ENTREP2: variants seen among roughly 807,000 people sequenced by gnomAD.
The protein encoded by ENTREP2 is endosomal transmembrane epsin interactor 2, also known as protein ENTREP2.
At chr15:29,502,742 G>A in the ENTREP2 span, among the ~76,000 whole-genome samples, 25 of 151,960 alleles carry the variant, frequency 1.6e-4, no homozygotes, top group Admixed American at 1.2e-3. Context: ...AGCATTCAAC[G>A]ACAAGAAGTC....
At chr15:29,371,819 C>T in the ENTREP2 span, among the ~76,000 whole-genome samples, 926 of 151,822 alleles carry the variant, frequency 6.1e-3, 14 homozygotes, top group African/African-American at 0.021. Flanking sequence ...AGAAAGAAAA[C>T]ATTAGAAAAT....
the ENTREP2 span, among the ~76,000 whole-genome samples, chr15:29,619,245 G>T: frequency 2.6e-5 from 4 of 152,004 alleles, no homozygotes; most frequent in Admixed American, 1.3e-4. Context: ...ACAAAAAATT[G>T]GCCAGGTGTG....
chr15:29,157,465 T>G, the ENTREP2 span, among the ~76,000 whole-genome samples: 1 of 152,184 alleles, frequency 6.6e-6, no homozygotes, highest in African/African-American at 2.4e-5. Flanking sequence ...CTAAGTGACA[T>G]GAATTTTGTG....
chr15:29,490,272 G>A, the ENTREP2 span, among the ~76,000 whole-genome samples: 1 of 152,154 alleles, frequency 6.6e-6, no homozygotes, highest in Non-Finnish European at 1.5e-5. Flanking sequence ...TCTGGCCTCA[G>A]AAGCAAAGCT....
chr15:29,574,140 C>A, the ENTREP2 span, among the ~76,000 whole-genome samples: 1 of 152,300 alleles, frequency 6.6e-6, no homozygotes, highest in African/African-American at 2.4e-5. Context: ...TCTCTTTGAT[C>A]TTCAGTGTTT....
chr15:29,414,104 A>C, the ENTREP2 span, among the ~76,000 whole-genome samples: 3 of 152,098 alleles, frequency 2.0e-5, no homozygotes, highest in Non-Finnish European at 4.4e-5. Context: ...ACAGAAAGTT[A>C]ACAAGGATAT....
chr15:29,616,850 A>G, the ENTREP2 span, among the ~76,000 whole-genome samples: 6 of 152,098 alleles, frequency 3.9e-5, no homozygotes, highest in Non-Finnish European at 7.4e-5. Flanking sequence ...TGAGGCAGGC[A>G]GATCACTTGA....
At chr15:29,524,138 T>TA in the ENTREP2 span, among the ~76,000 whole-genome samples, 2 of 152,304 alleles carry the variant, frequency 1.3e-5, no homozygotes, top group East Asian at 3.9e-4. Context: ...TGTACAGGTC[T>TA]AGTATCCAAA....
chr15:29,453,147 C>A, the ENTREP2 span, among the ~76,000 whole-genome samples: 14 of 152,222 alleles, frequency 9.2e-5, no homozygotes, highest in African/African-American at 3.4e-4. Context: ...GCCAATGCCA[C>A]ACCACAGTCA....
chr15:29,339,936 T>A, the ENTREP2 span, among the ~76,000 whole-genome samples: 2 of 152,244 alleles, frequency 1.3e-5, no homozygotes, highest in African/African-American at 2.4e-5. Context: ...GCCAGATAGA[T>A]ATTTTTGCCA....
At chr15:29,126,517 G>C in the ENTREP2 span, 1 of 1,543,928 alleles carries the variant, frequency 6.5e-7, no homozygotes, top group African/African-American at 1.4e-5. Flanking sequence ...CATGGCATTA[G>C]AGTGGGCGGC....
chr15:29,429,938 C>A, the ENTREP2 span, among the ~76,000 whole-genome samples: 2 of 152,242 alleles, frequency 1.3e-5, no homozygotes, highest in African/African-American at 4.8e-5. Context: ...AAGCCACCCA[C>A]ATACCCCATC....
At chr15:29,342,733 C>T in the ENTREP2 span, among the ~76,000 whole-genome samples, 46 of 152,218 alleles carry the variant, frequency 3.0e-4, no homozygotes, top group South Asian at 1.0e-3. Flanking sequence ...TCTGTTACCA[C>T]GAGGTTCACA....
chr15:29,545,531 T>C, the ENTREP2 span, among the ~76,000 whole-genome samples: 3 of 152,216 alleles, frequency 2.0e-5, no homozygotes, highest in Non-Finnish European at 4.4e-5. Flanking sequence ...ACTGGGTAGA[T>C]ATTTTATGAA....
chr15:29,320,694 C>A, the ENTREP2 span, among the ~76,000 whole-genome samples: 1 of 152,016 alleles, frequency 6.6e-6, no homozygotes, highest in Non-Finnish European at 1.5e-5. Context: ...GAGAAAAAAT[C>A]AAAGAAAATG....
chr15:29,464,261 C>T, the ENTREP2 span, among the ~76,000 whole-genome samples: 7 of 115,396 alleles, frequency 6.1e-5, no homozygotes, highest in Admixed American at 3.2e-4. Context: ...TATTTTTGCA[C>T]AGAAAAGAAT....
At chr15:29,674,705 G>C in the ENTREP2 span, among the ~76,000 whole-genome samples, 2 of 150,946 alleles carry the variant, frequency 1.3e-5, no homozygotes, top group Non-Finnish European at 3.0e-5. Flanking sequence ...GAGGCATGCC[G>C]GGGGGGCGGA....
the ENTREP2 span, among the ~76,000 whole-genome samples, chr15:29,149,837 C>T: frequency 1.3e-5 from 2 of 152,196 alleles, no homozygotes; most frequent in Non-Finnish European, 2.9e-5. Flanking sequence ...TGGGCTCCCG[C>T]GGTACCCGTC....
At chr15:29,189,168 G>A in the ENTREP2 span, among the ~76,000 whole-genome samples, 2 of 152,234 alleles carry the variant, frequency 1.3e-5, no homozygotes, top group Non-Finnish European at 2.9e-5. Flanking sequence ...TTGGCCAGAA[G>A]TACAGGTCAC....
Sources: allele counts gnomAD v4.1 joint callset (sites outside exome capture counted in the v4.1 genomes callset), GRCh38; gene constraint gnomAD v4.1.1; transcripts MANE v1.5; gene names NCBI Gene and HGNC (gene_info 2026-07-23, HGNC 2026-07-21).